The following ALG13 variants were observed in gnomAD, a reference collection of about 807,000 sequenced individuals.
ALG13 encodes the protein UDP-N-acetylglucosamine transferase subunit ALG13.
A neutral mutation model predicts 87.8 loss-of-function variants in ALG13; 11 were observed. That is an observed-to-expected ratio of 0.13 (90% CI 0.08 to 0.21). The LOEUF (loss-of-function observed/expected upper bound fraction) is 0.21, where lower values mean the gene tolerates loss of function less well. Among genes scored for constraint, ALG13 ranks in the 10% least tolerant of loss-of-function variants. ALG13 has a pLI of 1.00. For synonymous variants in ALG13, 320 were observed against 306.3 expected, an observed-to-expected ratio of 1.04 and a Z score of -0.47; for missense variants, 756 against 866.1, an observed-to-expected ratio of 0.87 and a Z score of 1.60.
intron 7 of ALG13, among the ~76,000 whole-genome samples, 160 bp downstream of exon 7, chrX:111,712,690 A>G (rs1029729702): frequency 4.5e-5 from 5 of 111,835 alleles, no homozygotes; most frequent in Non-Finnish European, 9.4e-5. Context: ...AAATGGTTGA[A>G]AAGTCAAAAG....
At position 111,682,204 on chromosome X, in the gene ALG13, A is replaced by G; in HGVS notation, c.154A>G (p.Ser52Gly). 1 of 1,201,813 alleles carries G rather than the reference A, an allele frequency of 8.3e-7. No individual in the cohort carries two copies. The highest frequency in any genetic ancestry group is 3.0e-5 in the East Asian group (1 of 33,498). Residue 52 changes from serine to glycine, a missense_variant, in exon 2 of 27, where the codon AGT becomes GGT. By Grantham distance (56) the Ser-to-Gly change is moderately conservative (BLOSUM62 0). This residue lies in a region of ALG13 where 153 missense variants were observed against 168.7 expected (regional missense o/e 0.91). Coordinates refer to ENST00000394780, the MANE Select transcript of ALG13 (RefSeq NM_001099922.3). ...AGGAACGGTGGTACCTGAACCCTTC[A>G]GTACTGAGTCGTTTACTCTGGATGT... ...GRGTVVPEPFSTESFTLDVYR... is the reference protein window; with the variant it reads ...GRGTVVPEPFGTESFTLDVYR...
At position 111,750,619 on chromosome X, in the gene ALG13, AGTATT is replaced by A. The variant is rs201912850; in HGVS notation, c.2933-2158_2933-2154del. Among the ~76,000 whole-genome samples the A allele has an allele frequency of 1.5e-3, 170 of 110,077 alleles. 1 individual carries two copies. In the East Asian group the frequency reaches 0.033, roughly 21 times the overall value. ...TCATTTCTGTCAGCATTTTTTTAGC[AGTATT>A]GTATTGTATTGTTTGTTTGTTTGTT... On this transcript the variant is annotated intron_variant, in intron 24 of 26. Coordinates refer to ENST00000394780, the MANE Select transcript of ALG13 (RefSeq NM_001099922.3).
chrX:111,719,321 G>A (rs749360998), intron 10 of ALG13, among the ~76,000 whole-genome samples: 47 of 111,374 alleles, frequency 4.2e-4, no homozygotes, highest in Non-Finnish European at 6.0e-4. Context: ...CACCACACCC[G>A]GCAGAAGAGG....
At chrX:111,694,723 A>G (rs1453182571) in intron 3 of ALG13, among the ~76,000 whole-genome samples, 2 of 112,102 alleles carry the variant, frequency 1.8e-5, no homozygotes, top group African/African-American at 6.5e-5. Context: ...TTTGTGCAGC[A>G]TTACATACTG....
At chrX:111,735,257 C>CCT in intron 22 of ALG13, 135 bp downstream of exon 22, 1 of 434,562 alleles carries the variant, frequency 2.3e-6, no homozygotes. Context: ...CTTCTGGTGT[C>CCT]TGACACAGTG....
At chrX:111,730,328 A>G (rs776035116) in intron 19 of ALG13, 67 bp from the exon 20 acceptor site, 1 of 1,040,230 alleles carries the variant, frequency 9.6e-7, no homozygotes, top group Non-Finnish European at 1.3e-6. Context: ...AGTGCTGGCC[A>G]TTTGGCTCTG....
chrX:111,737,907 C>T (rs1333484724), intron 23 of ALG13, among the ~76,000 whole-genome samples: 2 of 112,023 alleles, frequency 1.8e-5, no homozygotes, highest in Non-Finnish European at 3.8e-5. Flanking sequence ...TGGGAAGAAA[C>T]TGCTAAGAGT....
chrX:111,718,072 C>T (rs1176073032), intron 9 of ALG13, 40 bp from the exon 10 acceptor site: 9 of 1,124,211 alleles, frequency 8.0e-6, no homozygotes, highest in Non-Finnish European at 1.1e-5. Context: ...TAATATAAAT[C>T]TTATTTTGAC....
At chrX:111,732,728 G>T (rs190540630) in intron 21 of ALG13, among the ~76,000 whole-genome samples, 42 of 111,718 alleles carry the variant, frequency 3.8e-4, no homozygotes, top group Admixed American at 1.0e-3. Context: ...TGTTTTTACT[G>T]TTTAGACAAT....
chrX:111,711,814 A>G, intron 6 of ALG13, 89 bp downstream of exon 6: 1 of 911,571 alleles, frequency 1.1e-6, no homozygotes, highest in Non-Finnish European at 1.5e-6. Context: ...TTTTAGCCAG[A>G]CCCCAAATAT....
intron 22 of ALG13, among the ~76,000 whole-genome samples, chrX:111,735,779 G>T (rs1455710845): frequency 9.0e-6 from 1 of 110,631 alleles, no homozygotes; most frequent in African/African-American, 3.3e-5. Context: ...AACCAGTGTG[G>T]GTAGCAGCCA....
At chrX:111,720,790 GA>G (rs1941308339) in intron 11 of ALG13, among the ~76,000 whole-genome samples, 5 of 110,969 alleles carry the variant, frequency 4.5e-5, no homozygotes, top group African/African-American at 1.6e-4. Flanking sequence ...ATTTCCAGGT[GA>G]TTGTAGAGTA....
At chrX:111,708,641 G>A (rs753422893) in intron 4 of ALG13, among the ~76,000 whole-genome samples, 1 of 111,124 alleles carries the variant, frequency 9.0e-6, no homozygotes, top group Admixed American at 9.6e-5. Context: ...TGTAGGAGGG[G>A]TAAGATAAGG....
intron 3 of ALG13, chrX:111,689,246 T>G: frequency 1.3e-6 from 1 of 750,195 alleles, no homozygotes; most frequent in Non-Finnish European, 1.6e-6. Flanking sequence ...TAATTGTATA[T>G]CAATGTTATG....
intron 16 of ALG13, 92 bp downstream of exon 16, chrX:111,727,147 G>T: frequency 2.8e-6 from 3 of 1,068,047 alleles, no homozygotes; most frequent in Middle Eastern, 2.5e-4. Flanking sequence ...CAAGATGAGG[G>T]TCTCTGTGAC....
Position 111,708,078 on chromosome X carries a change from G to C in ALG13, c.435G>C (p.Lys145Asn). The change falls in exon 4 of 27, where the codon AAG becomes AAC. Residue 145 changes from lysine (K) to asparagine (N), a missense_variant. This residue lies in a region of ALG13 where 153 missense variants were observed against 168.7 expected (regional missense o/e 0.91). Transcript: ENST00000394780. ...QAKSIASAPG[K>N]CQDSAALTST... is the part of the protein sequence containing the mutation. ...AGTCCATTGCTTCTGCTCCTGGGAA[G>C]TGCCAAGATTCTGCAGCGCTGACTT... 8.3e-7 allele frequency: 1 copy of C among 1,211,050 alleles called. No homozygotes were observed. Among genetic ancestry groups the C allele is most frequent in the South Asian group, 1.8e-5 (1 of 56,886 alleles).
chrX:111,749,317 G>A lies in ALG13; in HGVS notation c.2933-3473G>A, dbSNP rs979268473. On this transcript the variant is annotated intron_variant, in intron 24 of 26. Transcript: ENST00000394780. ...TTGTGAAAAAGATTTTCCTTTCCTC[G>A]TTGGATCACTTTGGTGTTTTAGTCA... is the stretch of plus-strand genomic sequence containing the variant. 3.6e-5 allele frequency among the ~76,000 whole-genome samples: 4 copies of A among 109,966 alleles called. No individual in the cohort carries two copies. In the South Asian group the frequency reaches 1.5e-3, roughly 42 times the overall value.
intron 25 of ALG13, 74 bp from the exon 26 acceptor site, chrX:111,757,514 G>C: frequency 1.6e-6 from 1 of 635,690 alleles, no homozygotes; most frequent in Non-Finnish European, 2.1e-6. Context: ...TTTTTTGTCT[G>C]TGGGGAACTG....
At chrX:111,727,157 C>T in intron 16 of ALG13, 102 bp downstream of exon 16, 3 of 1,002,149 alleles carry the variant, frequency 3.0e-6, no homozygotes, top group Non-Finnish European at 4.2e-6. Flanking sequence ...GTCTCTGTGA[C>T]ATACAGACTG....
Sources: allele counts gnomAD v4.1 joint callset (sites outside exome capture counted in the v4.1 genomes callset), GRCh38; gene constraint gnomAD v4.1.1; regional missense constraint gnomAD v4.1.1; transcripts MANE v1.5; gene names NCBI Gene and HGNC (gene_info 2026-07-23, HGNC 2026-07-21).